Variants in DOK6 observed in about 807,000 individuals in gnomAD.
The protein encoded by DOK6 is docking protein 6.
DOK6 carries 22 observed loss-of-function variants against 44.0 expected under a neutral mutation model. That is an observed-to-expected ratio of 0.50 (90% CI 0.36 to 0.71). The LOEUF (loss-of-function observed/expected upper bound fraction) is 0.71. DOK6 is among the 30% of genes least tolerant of loss of function. The pLI, the probability that DOK6 is intolerant of heterozygous loss-of-function variation, is 0.00. For missense variants in DOK6, 340 were observed against 416.4 expected, an observed-to-expected ratio of 0.82 and a Z score of 1.60; for synonymous variants, 166 against 145.5, an observed-to-expected ratio of 1.14 and a Z score of -1.01.
At chr18:69,670,221 T>G (rs779798700) in intron 3 of DOK6, among the ~76,000 whole-genome samples, 8 of 152,204 alleles carry the variant, frequency 5.3e-5, no homozygotes, top group South Asian at 4.1e-4. Flanking sequence ...GTCAAAATGT[T>G]TTTGTAACAG....
intron 3 of DOK6, among the ~76,000 whole-genome samples, chr18:69,618,061 A>C (rs1365320456): frequency 6.6e-6 from 1 of 152,184 alleles, no homozygotes; most frequent in Non-Finnish European, 1.5e-5. Flanking sequence ...TGGAGATGCA[A>C]AGAGGCAGCT....
At chr18:69,826,119 G>T (rs1026261667) in intron 7 of DOK6, among the ~76,000 whole-genome samples, 2 of 152,068 alleles carry the variant, frequency 1.3e-5, no homozygotes, top group African/African-American at 4.8e-5. Context: ...GGCCTATCAG[G>T]TCTATTAAGT....
intron 1 of DOK6, among the ~76,000 whole-genome samples, chr18:69,406,993 A>G (rs934660849): frequency 1.3e-5 from 2 of 152,184 alleles, no homozygotes; most frequent in African/African-American, 4.8e-5. Flanking sequence ...AGGCAGGAGA[A>G]TCGCTTGAAC....
At chr18:69,677,588 C>T (rs1158787626) in intron 3 of DOK6, 146 bp from the exon 4 acceptor site, 3 of 1,336,310 alleles carry the variant, frequency 2.2e-6, no homozygotes, top group Non-Finnish European at 3.0e-6. Flanking sequence ...GACTTATTTT[C>T]ACTTCCTAAA....
intron 7 of DOK6, among the ~76,000 whole-genome samples, chr18:69,775,321 A>T (rs1980028111): frequency 6.6e-6 from 1 of 152,012 alleles, no homozygotes; most frequent in African/African-American, 2.4e-5. Context: ...AGAAGTAAAG[A>T]TACTGTTAAA....
At chr18:69,743,318 G>A (rs1178357872) in intron 6 of DOK6, among the ~76,000 whole-genome samples, 1 of 152,178 alleles carries the variant, frequency 6.6e-6, no homozygotes, top group Non-Finnish European at 1.5e-5. Flanking sequence ...AGCTAGCAGA[G>A]TTCTTTGGAT....
chr18:69,584,209 A>T (rs530593831), intron 2 of DOK6, among the ~76,000 whole-genome samples: 3 of 152,170 alleles, frequency 2.0e-5, no homozygotes, highest in African/African-American at 7.2e-5. Context: ...AGTTATCACC[A>T]TATAATTTTT....
At chr18:69,648,872 A>G (rs1426246362) in intron 3 of DOK6, among the ~76,000 whole-genome samples, 4 of 152,196 alleles carry the variant, frequency 2.6e-5, no homozygotes, top group African/African-American at 4.8e-5. Flanking sequence ...ATCCCTGGCC[A>G]TTTTCAGATG....
chr18:69,514,153 A>G (rs895359534), intron 1 of DOK6, among the ~76,000 whole-genome samples: 1 of 152,070 alleles, frequency 6.6e-6, no homozygotes, highest in African/African-American at 2.4e-5. Flanking sequence ...TAAATACTTG[A>G]AGCCTGTAAG....
chr18:69,555,046 G>A (rs1982654380), intron 1 of DOK6, among the ~76,000 whole-genome samples: 1 of 152,092 alleles, frequency 6.6e-6, no homozygotes, highest in Non-Finnish European at 1.5e-5. Context: ...TGTGTGGCAA[G>A]TATCTTCTAA....
In DOK6 at chr18:69,845,448, A is replaced by G. The variant is rs1230830588; in HGVS notation, c.*4065A>G. On this transcript the variant is annotated 3_prime_UTR_variant, in exon 8 of 8. Transcript: ENST00000382713. ...AACACAGCCTTCTCAAAATCGATAA[A>G]AATTTGCCACTGAATATGCATTAAT... 25 of 152,190 alleles carry G rather than the reference A, an allele frequency of 1.6e-4. No homozygotes were observed. 9.4% of individuals were successfully genotyped at this position (152,190 alleles called of 1,614,324 possible). A position where few individuals can be genotyped will look rare whatever the true frequency, so the allele number is the denominator to read the frequency against.
intron 1 of DOK6, among the ~76,000 whole-genome samples, chr18:69,498,455 TA>T (rs1555707260): frequency 6.6e-6 from 1 of 152,182 alleles, no homozygotes; most frequent in Non-Finnish European, 1.5e-5. Context: ...TTTATGCAAA[TA>T]ATTTGATATG....
intron 3 of DOK6, among the ~76,000 whole-genome samples, chr18:69,636,016 G>A (rs1016417584): frequency 6.6e-6 from 1 of 152,202 alleles, no homozygotes; most frequent in Non-Finnish European, 1.5e-5. Context: ...TGCTGCTGAT[G>A]TCTGCGGTAT....
chr18:69,735,584 G>T (rs1978578480), intron 5 of DOK6, among the ~76,000 whole-genome samples: 1 of 152,224 alleles, frequency 6.6e-6, no homozygotes, highest in African/African-American at 2.4e-5. Flanking sequence ...ATAAACCAGA[G>T]AAGCTCCCCT....
chr18:69,462,701 A>G (rs1168969854), intron 1 of DOK6, among the ~76,000 whole-genome samples: 1 of 152,226 alleles, frequency 6.6e-6, no homozygotes, highest in African/African-American at 2.4e-5. Flanking sequence ...TTAACTGATT[A>G]ATCCTTCTGC....
chr18:69,637,435 T>C (rs891320351), intron 3 of DOK6, among the ~76,000 whole-genome samples: 1 of 152,352 alleles, frequency 6.6e-6, no homozygotes, highest in Middle Eastern at 3.4e-3. Flanking sequence ...ACCAAATGTA[T>C]AAGCCTACAT....
intron 5 of DOK6, among the ~76,000 whole-genome samples, chr18:69,715,161 C>T (rs1447072378): frequency 1.3e-5 from 2 of 152,164 alleles, no homozygotes; most frequent in Non-Finnish European, 2.9e-5. Flanking sequence ...CTGCAAGATA[C>T]TTCTCTCCTT....
At chr18:69,629,354 TA>T (rs1473152271) in intron 3 of DOK6, among the ~76,000 whole-genome samples, 1 of 152,160 alleles carries the variant, frequency 6.6e-6, no homozygotes, top group Non-Finnish European at 1.5e-5. Flanking sequence ...TATAGCTGCT[TA>T]TTTTTTTTCA....
intron 1 of DOK6, among the ~76,000 whole-genome samples, chr18:69,426,580 G>C (rs909281938): frequency 2.6e-5 from 4 of 152,214 alleles, no homozygotes; most frequent in African/African-American, 9.6e-5. Flanking sequence ...TAGATCATGA[G>C]TATGCCATTA....
Sources: gnomAD v4.1 joint callset for allele counts (sites outside exome capture counted in the v4.1 genomes callset) on GRCh38, gnomAD v4.1.1 for gene constraint, MANE v1.5 for transcripts, NCBI Gene and HGNC (gene_info 2026-07-23, HGNC 2026-07-21) for gene names.